CCDC149: variants seen among roughly 807,000 people sequenced by gnomAD.
CCDC149 encodes coiled-coil domain-containing protein 149.
CCDC149 carries 45 observed loss-of-function variants against 59.9 expected under a neutral mutation model. The observed-to-expected ratio is 0.75, with a 90% CI of 0.59 to 0.96. CCDC149 has a LOEUF of 0.96. Among genes scored for constraint, CCDC149 ranks in the 40% least tolerant of loss-of-function variants. CCDC149 has a pLI of 0.00. For synonymous variants in CCDC149, 245 were observed against 260.6 expected (o/e 0.94, Z 0.58); for missense variants, 584 against 664.7 (o/e 0.88, Z 1.33).
At chr4:24,812,254 A>C (rs1408680467) in intron 12 of CCDC149, among the ~76,000 whole-genome samples, 1 of 152,188 alleles carries the variant, frequency 6.6e-6, no homozygotes, top group Non-Finnish European at 1.5e-5. Flanking sequence ...AACCTCCTAC[A>C]TATGCCTTCC....
chr4:24,891,480 T>A (rs1042944937), intron 1 of CCDC149, among the ~76,000 whole-genome samples: 6 of 152,236 alleles, frequency 3.9e-5, no homozygotes, highest in African/African-American at 1.4e-4. Flanking sequence ...ATGATGGGCA[T>A]GATTTGACTT....
intron 9 of CCDC149, 77 bp downstream of exon 9, chr4:24,831,429 T>C: frequency 6.7e-7 from 1 of 1,491,704 alleles, no homozygotes; most frequent in Non-Finnish European, 9.2e-7. Context: ...TCGTTCCAGC[T>C]GGTTGACATT....
At chr4:24,979,818 A>G (rs1216401967) in intron 1 of CCDC149, among the ~76,000 whole-genome samples, 1 of 152,166 alleles carries the variant, frequency 6.6e-6, no homozygotes, top group Non-Finnish European at 1.5e-5. Flanking sequence ...CTCTCTAAAC[A>G]CAGTCAGCTC....
chr4:24,964,614 A>G (rs905641097), intron 1 of CCDC149, among the ~76,000 whole-genome samples: 2 of 152,204 alleles, frequency 1.3e-5, no homozygotes, highest in African/African-American at 4.8e-5. Context: ...TATTTATATC[A>G]CCAAGAGACC....
intron 1 of CCDC149, among the ~76,000 whole-genome samples, chr4:24,947,246 G>A (rs1045019681): frequency 6.6e-6 from 1 of 152,142 alleles, no homozygotes; most frequent in East Asian, 1.9e-4. Context: ...AGGGTGAGAG[G>A]TAATTTAGTC....
At chr4:24,842,958 T>C (rs1717032980) in intron 4 of CCDC149, among the ~76,000 whole-genome samples, 1 of 152,176 alleles carries the variant, frequency 6.6e-6, no homozygotes, top group South Asian at 2.1e-4. Flanking sequence ...CTGCTAATCC[T>C]AGCTATGTGC....
intron 3 of CCDC149, among the ~76,000 whole-genome samples, chr4:24,853,827 G>C (rs932256553): frequency 1.3e-5 from 2 of 152,130 alleles, no homozygotes; most frequent in South Asian, 2.1e-4. Context: ...AGTCAGTGAC[G>C]AGCAACAATC....
chr4:24,889,455 T>C (rs956328373), intron 1 of CCDC149, among the ~76,000 whole-genome samples: 1 of 152,210 alleles, frequency 6.6e-6, no homozygotes, highest in African/African-American at 2.4e-5. Flanking sequence ...CCGGTACGCC[T>C]TGCAGTTCTG....
In CCDC149 at chr4:24,808,691, A is replaced by T. The variant is rs978346924; in HGVS notation, c.1321T>A (p.Phe441Ile). Residue 441 changes from phenylalanine to isoleucine, a missense_variant, in exon 13 of 13, where the codon TTT becomes ATT. By Grantham distance (21) the Phe-to-Ile change is conservative (BLOSUM62 0). Transcript: ENST00000635206. ...GGTAACTGGGGTAATGAAGGATGAA[A>T]GAGCTTGCATTGGTTCCCGCGGCTC... 1.3e-6 allele frequency: 2 copies of T among 1,552,368 alleles called. No individual in the cohort carries two copies. Among genetic ancestry groups the T allele is most frequent in the African/African-American group, 2.7e-5 (2 of 73,168 alleles).
downstream of CCDC149, among the ~76,000 whole-genome samples, chr4:24,805,385 A>C (rs553715550): frequency 2.6e-5 from 4 of 152,286 alleles, no homozygotes; most frequent in South Asian, 8.3e-4. Context: ...CTGAGCAAAC[A>C]ACCATAGCCC....
intron 1 of CCDC149, among the ~76,000 whole-genome samples, chr4:24,881,823 T>A (rs1175960054): frequency 6.6e-6 from 1 of 152,212 alleles, no homozygotes; most frequent in East Asian, 1.9e-4. Flanking sequence ...GACAATGCAA[T>A]GAAGTTACTG....
At chr4:24,880,533 A>G (rs1719775721) in intron 1 of CCDC149, among the ~76,000 whole-genome samples, 1 of 152,234 alleles carries the variant, frequency 6.6e-6, no homozygotes, top group Non-Finnish European at 1.5e-5. Flanking sequence ...TAAAAAAGTA[A>G]AAGTGTATTC....
chr4:24,898,600 C>T (rs1370064634), intron 1 of CCDC149, among the ~76,000 whole-genome samples: 1 of 152,158 alleles, frequency 6.6e-6, no homozygotes, highest in Non-Finnish European at 1.5e-5. Context: ...TCCCTCCCTT[C>T]TACAAGCTAC....
intron 1 of CCDC149, among the ~76,000 whole-genome samples, chr4:24,965,604 A>G (rs1054888478): frequency 7.2e-5 from 11 of 152,260 alleles, no homozygotes; most frequent in Admixed American, 1.3e-4. Context: ...TGAAAACAGA[A>G]CATATAAGAA....
chr4:24,966,837 T>C (rs2109364665), intron 1 of CCDC149, among the ~76,000 whole-genome samples: 1 of 152,308 alleles, frequency 6.6e-6, no homozygotes, highest in Non-Finnish European at 1.5e-5. Flanking sequence ...ATTAGGGAAC[T>C]GGCCAAAGTG....
Position 24,884,562 on chromosome 4 carries a change from G to A in CCDC149, c.64-7865C>T, listed in dbSNP as rs376807014. The stretch of plus-strand genomic sequence containing the variant: ...CTACAGTACACTAAACACTTTAAAA[G>A]AGACACAAAACTCCCAGAAAAGAAA... On this transcript the variant is annotated intron_variant, in intron 1 of 12. Transcript: ENST00000635206. 2.0e-5 allele frequency among the ~76,000 whole-genome samples: 3 copies of A among 152,266 alleles called. No individual in the cohort carries two copies. The East Asian group carries it at 5.8e-4, about 29-fold the overall frequency.
intron 2 of CCDC149, 82 bp from the exon 3 acceptor site, chr4:24,873,801 C>T (rs1719209424): frequency 2.7e-6 from 3 of 1,105,180 alleles, no homozygotes; most frequent in South Asian, 2.6e-5. Flanking sequence ...AAATTATGAA[C>T]CTAAATGTAG....
chr4:24,831,431 G>A lies in CCDC149; in HGVS notation c.965+75C>T, dbSNP rs1489102223. On this transcript the variant is annotated intron_variant, in intron 9 of 12. Transcript: ENST00000635206. ...CCCTGCAGGTCCGTCGTTCCAGCTG[G>A]TTGACATTCACTTCTGGTAGCCTCG... 20 of 1,508,612 alleles carry A rather than the reference G, an allele frequency of 1.3e-5. No homozygotes were observed. The Admixed American group carries it at 1.4e-4, about 10-fold the overall frequency. 93.5% of individuals were successfully genotyped at this position (1,508,612 alleles called of 1,614,324 possible).
At chr4:24,812,750 C>T (rs371990228) in intron 12 of CCDC149, among the ~76,000 whole-genome samples, 34 of 152,152 alleles carry the variant, frequency 2.2e-4, no homozygotes, top group African/African-American at 5.5e-4. Flanking sequence ...TGGTAGAAGA[C>T]GAAAGAAGAG....
Sources: gnomAD v4.1 joint callset for allele counts (sites outside exome capture counted in the v4.1 genomes callset) on GRCh38, gnomAD v4.1.1 for gene constraint, MANE v1.5 for transcripts, NCBI Gene and HGNC (gene_info 2026-07-23, HGNC 2026-07-21) for gene names.